The following RAB6A variants were observed in gnomAD, a reference collection of about 807,000 sequenced individuals.
RAB6A encodes the protein ras-related protein Rab-6A.
A neutral mutation model predicts 32.3 loss-of-function variants in RAB6A; 8 were observed. The observed-to-expected ratio is 0.25, with a 90% CI of 0.15 to 0.45. The LOEUF is 0.45. RAB6A is among the 20% of genes least tolerant of loss of function. The probability of loss-of-function intolerance (pLI) is 1.00; values close to 1 mark genes in which losing one functional copy is unlikely to be tolerated. For synonymous variants in RAB6A, 73 were observed against 82.1 expected (o/e 0.89, Z 0.60); for missense variants, 104 against 249.4 (o/e 0.42, Z 3.93).
In RAB6A at chr11:73,718,041, G is replaced by A. The variant is rs528991374; in HGVS notation, c.289+572C>T. On this transcript the variant is annotated intron_variant, in intron 4 of 7. Transcript: ENST00000336083. ...CTATTTAAAATTTTTTTCTTGGAGAGAAATGAAAGTGTAATTTGTTAGCAA... is the reference window on the plus strand; with the variant it reads ...CTATTTAAAATTTTTTTCTTGGAGAAAAATGAAAGTGTAATTTGTTAGCAA... Among the ~76,000 whole-genome samples the A allele has an allele frequency of 5.3e-5, 8 of 152,238 alleles. No individual in the cohort carries two copies. The South Asian group carries it at 1.7e-3, about 32-fold the overall frequency.
Position 73,760,943 on chromosome 11 carries a change from A to C in RAB6A, c.-308T>G, listed in dbSNP as rs113359993. ...AGCTAGGGCCGTTCCCTCCTTCCGCACTCGGCTCCCAGACCTGGGGAAGAG... is the reference window on the plus strand; with the variant it reads ...AGCTAGGGCCGTTCCCTCCTTCCGCCCTCGGCTCCCAGACCTGGGGAAGAG... On this transcript the variant is annotated 5_prime_UTR_variant, in exon 1 of 8. Coordinates refer to ENST00000336083, the MANE Select transcript of RAB6A (RefSeq NM_198896.2). 2.2e-3 allele frequency: 708 copies of C among 324,172 alleles called. 1 individual carries two copies. The highest frequency in any genetic ancestry group is 3.9e-3 in the Admixed American group (78 of 20,052). The allele number at this position is 324,172 out of a possible 1,614,324, so 20.1% of individuals were successfully genotyped here.
chr11:73,678,734 T>G (rs1945306589), intron 7 of RAB6A, among the ~76,000 whole-genome samples: 1 of 151,338 alleles, frequency 6.6e-6, no homozygotes, highest in Non-Finnish European at 1.5e-5. Flanking sequence ...TGTTTTTTTT[T>G]TTGGGGGGGG....
chr11:73,739,282 A>ATACATATATATATATATATATATATATAT (rs1289309364), intron 1 of RAB6A, among the ~76,000 whole-genome samples: 2 of 15,346 alleles, frequency 1.3e-4, no homozygotes, highest in Admixed American at 1.4e-3. Flanking sequence ...AAAAAAAAAA[A>ATACATATATATATATATATATATATATAT]AAATATATAT....
chr11:73,709,464 C>T (rs1464909), intron 5 of RAB6A, among the ~76,000 whole-genome samples: 125,657 of 142,706 alleles, frequency 0.88, 54,742 homozygotes, highest in Admixed American at 0.92. Flanking sequence ...ATTATTATTA[C>T]TATTATTATT....
chr11:73,716,248 T>A lies in RAB6A; in HGVS notation c.401+3A>T, dbSNP rs368714893. On this transcript the variant is annotated splice_donor_region_variant and intron_variant, in intron 5 of 7. Transcript: ENST00000336083. ...ATTACACACATATAAAATAACTCCA[T>A]ACCTCTTGTCAGCAAGATCTGTTTT... is the stretch of plus-strand genomic sequence containing the variant. 1.4e-5 allele frequency: 23 copies of A among 1,588,474 alleles called. No individual in the cohort carries two copies. Among genetic ancestry groups the A allele is most frequent in the Non-Finnish European group, 1.6e-5 (18 of 1,157,124 alleles).
chr11:73,732,860 T>A (rs1319717383), intron 1 of RAB6A, among the ~76,000 whole-genome samples: 1 of 151,876 alleles, frequency 6.6e-6, no homozygotes, highest in East Asian at 1.9e-4. Flanking sequence ...TCACCCAGGC[T>A]GGAGTGCAGT....
rs1331911421 is a variant in RAB6A, at chr11:73,716,292, G to A, written c.360C>T (p.Ile120=). The change falls in exon 5 of 8, where the codon ATC becomes ATT. Residue 120 remains isoleucine (I), a synonymous_variant. Transcript: ENST00000336083. ...DVRTERGSDV[I]IMLVGNKTDL... Reference sequence around the variant, plus strand: ...CTGTTTTATTTCCTACTAGCATGATGATAACATCACTTCCTCTTTCTGTTC... The same window carrying A: ...CTGTTTTATTTCCTACTAGCATGATAATAACATCACTTCCTCTTTCTGTTC... 1.2e-6 allele frequency: 2 copies of A among 1,613,380 alleles called. No individual in the cohort carries two copies. The highest frequency in any genetic ancestry group is 3.3e-5 in the Admixed American group (2 of 59,978).
chr11:73,760,156 T>C (rs1292330450), intron 1 of RAB6A: 1 of 1,252,150 alleles, frequency 8.0e-7, no homozygotes, highest in Admixed American at 2.3e-5. Context: ...GAGTGGGGCT[T>C]CCCTGAGTGG....
intron 6 of RAB6A, among the ~76,000 whole-genome samples, chr11:73,690,757 C>T (rs1199170815): frequency 1.3e-5 from 2 of 150,086 alleles, no homozygotes; most frequent in African/African-American, 4.9e-5. Flanking sequence ...GGTTCTGAGC[C>T]CATGGTTGGG....
At chr11:73,681,938 T>G (rs1333922390) in intron 6 of RAB6A, among the ~76,000 whole-genome samples, 1 of 152,168 alleles carries the variant, frequency 6.6e-6, no homozygotes, top group East Asian at 1.9e-4. Context: ...TTCTATAAGG[T>G]TCAGTAGCTT....
rs11235851 is a variant in RAB6A at position 73,677,454 on chromosome 11, G to A, written c.*444C>T. 23,491 of 224,790 alleles carry A rather than the reference G, an allele frequency of 0.1. 1,386 individuals carry two copies. Among genetic ancestry groups the A allele is most frequent in the South Asian group, 0.27 (1,776 of 6,650 alleles). The allele number at this position is 224,790 out of a possible 1,614,324, so 13.9% of individuals were successfully genotyped here. ...ATCTCTTGTTTGTTTTGAGGAAGTC[G>A]GGGGAGGCTAGGTAAGAATAGGGTA... is the stretch of plus-strand genomic sequence containing the variant. On this transcript the variant is annotated 3_prime_UTR_variant, in exon 8 of 8. Coordinates refer to ENST00000336083, the MANE Select transcript of RAB6A (RefSeq NM_198896.2).
At chr11:73,684,784 C>T (rs1945414963) in intron 6 of RAB6A, among the ~76,000 whole-genome samples, 1 of 152,178 alleles carries the variant, frequency 6.6e-6, no homozygotes, top group South Asian at 2.1e-4. Flanking sequence ...CACATGTTCA[C>T]AGATAGAAAA....
chr11:73,706,531 A>G (rs1945848150), intron 6 of RAB6A, among the ~76,000 whole-genome samples: 1 of 150,340 alleles, frequency 6.7e-6, no homozygotes, highest in African/African-American at 2.4e-5. Context: ...AAAAAAAATT[A>G]TTGGTCCATA....
At chr11:73,715,381 C>T (rs950201309) in intron 5 of RAB6A, among the ~76,000 whole-genome samples, 1 of 152,210 alleles carries the variant, frequency 6.6e-6, no homozygotes, top group Non-Finnish European at 1.5e-5. Flanking sequence ...TCCTTGGCCT[C>T]CCAAAGTGCT....
At chr11:73,739,342 A>G (rs1403120905) in intron 1 of RAB6A, among the ~76,000 whole-genome samples, 2 of 137,422 alleles carry the variant, frequency 1.5e-5, no homozygotes, top group African/African-American at 5.3e-5. Context: ...AAAGTAAACT[A>G]AAAAATTTTT....
At chr11:73,740,074 A>G (rs551122304) in intron 1 of RAB6A, among the ~76,000 whole-genome samples, 1 of 151,996 alleles carries the variant, frequency 6.6e-6, no homozygotes, top group African/African-American at 2.4e-5. Context: ...AAAGAAAAAA[A>G]AAAAAAAGAG....
At chr11:73,731,891 G>A (rs534650656) in intron 1 of RAB6A, among the ~76,000 whole-genome samples, 5 of 150,790 alleles carry the variant, frequency 3.3e-5, no homozygotes, top group African/African-American at 4.9e-5. Flanking sequence ...ACAGGTGCAC[G>A]CCACCATGCC....
At chr11:73,726,035 C>G (rs1946213798) in intron 2 of RAB6A, among the ~76,000 whole-genome samples, 1 of 152,022 alleles carries the variant, frequency 6.6e-6, no homozygotes, top group Non-Finnish European at 1.5e-5. Flanking sequence ...ATCTGTAATC[C>G]CAGCACTTTG....
intron 1 of RAB6A, chr11:73,760,009 G>T: frequency 7.8e-7 from 1 of 1,286,390 alleles, no homozygotes; most frequent in Non-Finnish European, 1.0e-6. Flanking sequence ...CCACCCAGGT[G>T]AAAATCATTT....
Sources: allele counts gnomAD v4.1 joint callset (sites outside exome capture counted in the v4.1 genomes callset), GRCh38; gene constraint gnomAD v4.1.1; transcripts MANE v1.5; gene names NCBI Gene and HGNC (gene_info 2026-07-23, HGNC 2026-07-21).